DRG2: variants seen among roughly 807,000 people sequenced by gnomAD.
DRG2 encodes the protein developmentally-regulated GTP-binding protein 2.
A neutral mutation model predicts 53.4 loss-of-function variants in DRG2; 36 were observed. The observed-to-expected ratio is 0.67, with a 90% confidence interval of 0.52 to 0.89. The LOEUF is 0.89. Among genes scored for constraint, DRG2 ranks in the 40% least tolerant of loss-of-function variants. The pLI is 0.00. For synonymous variants in DRG2, 167 were observed against 192.1 expected, an observed-to-expected ratio of 0.87 and a Z score of 1.08; for missense variants, 342 against 481.2, an observed-to-expected ratio of 0.71 and a Z score of 2.71.
intron 1 of DRG2, among the ~76,000 whole-genome samples, chr17:18,089,525 C>A (rs2045276672): frequency 6.6e-6 from 1 of 152,146 alleles, no homozygotes; most frequent in African/African-American, 2.4e-5. Context: ...TGGATCTGAT[C>A]TTCTAGTTGA....
intron 11 of DRG2, chr17:18,106,084 A>G (rs1597732299): frequency 6.9e-6 from 2 of 291,902 alleles, no homozygotes; most frequent in East Asian, 6.9e-5. Flanking sequence ...GGGGACTCCA[A>G]GCTATCACCC....
intron 9 of DRG2, 31 bp downstream of exon 9, chr17:18,102,028 G>C: frequency 1.3e-6 from 2 of 1,595,374 alleles, no homozygotes; most frequent in Admixed American, 1.7e-5. Context: ...CCACTCTGCT[G>C]TCCTTGCTGT....
At chr17:18,094,214 G>C (rs1170457540) in intron 2 of DRG2, 1 of 491,970 alleles carries the variant, frequency 2.0e-6, no homozygotes, top group Non-Finnish European at 3.6e-6. Flanking sequence ...AATACTTCTC[G>C]AGTGTGTATC....
At chr17:18,088,972 GTAATGGGAGATGCAATTGGCCAGGC>G (rs2045265642) in intron 1 of DRG2, among the ~76,000 whole-genome samples, 1 of 152,174 alleles carries the variant, frequency 6.6e-6, no homozygotes, top group African/African-American at 2.4e-5. Context: ...TTATGGAAGA[GTAATGGGAGATGCAATTGGCCAGGC>G]TAGTGGCTAG....
chr17:18,100,467 G>A lies in DRG2; in HGVS notation c.540+32G>A, dbSNP rs1275184409. 6.2e-7 allele frequency: 1 copy of A among 1,613,866 alleles called. No individual in the cohort carries two copies. Among genetic ancestry groups the A allele is most frequent in the East Asian group, 2.2e-5 (1 of 44,888 alleles). ...CACCTCTCTGGCCTTCAGGCCAGGG[G>A]TGTGGCAGTTTTGAGACTGCATTGG... On this transcript the variant is annotated intron_variant, in intron 6 of 12. Coordinates refer to ENST00000225729, the MANE Select transcript of DRG2 (RefSeq NM_001388.5). This position sits in a 1 kb window ranked among gnomAD's most constrained non-coding sequence, Gnocchi z 4.1.
chr17:18,103,820 C>A lies in DRG2; in HGVS notation c.826C>A (p.Leu276Met). Residue 276 changes from leucine (L) to methionine (M), a missense_variant, in exon 10 of 13, where the codon CTG (leucine) becomes ATG (methionine). By Grantham distance (15) the Leu-to-Met change is conservative. Coordinates refer to ENST00000225729, the MANE Select transcript of DRG2 (RefSeq NM_001388.5). The surrounding 1 kb of genome is among the most constrained non-coding windows in gnomAD (Gnocchi z 4.4). ...TTGCAGCTGCGGCATGAAGCTGAAC[C>A]TGGACTATCTGCTGGAGATGCTTTG... ...VVISCGMKLN[L>M]DYLLEMLWEY... 6.2e-7 allele frequency: 1 copy of A among 1,614,174 alleles called. No individual in the cohort carries two copies. Among genetic ancestry groups the A allele is most frequent in the African/African-American group, 1.3e-5 (1 of 75,060 alleles).
Position 18,100,560 on chromosome 17 carries a change from C to T in DRG2, c.541-9C>T, listed in dbSNP as rs2045513795. On this transcript the variant is annotated splice_polypyrimidine_tract_variant and intron_variant, in intron 6 of 12. Coordinates refer to ENST00000225729, the MANE Select transcript of DRG2 (RefSeq NM_001388.5). The surrounding 1 kb of genome is among the most constrained non-coding windows in gnomAD (Gnocchi z 4.1). ...CAGCAGTTCTCCCCATCCCTTTCTC[C>T]TCTTTCAGCCCAAGAAAGGTGGTGG... is the stretch of plus-strand genomic sequence containing the variant. The T allele has an allele frequency of 1.9e-6, 3 of 1,614,104 alleles. No homozygotes were observed. Among genetic ancestry groups the T allele is most frequent in the East Asian group, 4.5e-5 (2 of 44,894 alleles).
At chr17:18,094,692 C>T (rs181997611) in intron 2 of DRG2, among the ~76,000 whole-genome samples, 8 of 152,052 alleles carry the variant, frequency 5.3e-5, no homozygotes, top group Admixed American at 2.0e-4. Flanking sequence ...AAGGTTTCTT[C>T]GGCCGGGCGC....
At position 18,099,364 on chromosome 17, in the gene DRG2, G is replaced by A; in HGVS notation, c.377-269G>A. On this transcript the variant is annotated intron_variant, in intron 4 of 12. Transcript: ENST00000225729. The surrounding 1 kb of genome is among the most constrained non-coding windows in gnomAD (Gnocchi z 4.4). ...GATTAAGTGAGGAAATGTTCAGGAA[G>A]CATTTAGCCTGGGCCCTGCCACATG... is the stretch of plus-strand genomic sequence containing the variant. 2 of 609,992 alleles carry A rather than the reference G, an allele frequency of 3.3e-6. No individual in the cohort carries two copies. Among genetic ancestry groups the A allele is most frequent in the East Asian group, 2.8e-5 (1 of 36,256 alleles). The allele number at this position is 609,992 out of a possible 1,614,324, so 37.8% of individuals were successfully genotyped here.
In DRG2 at chr17:18,107,283, G is replaced by A; in HGVS notation, c.*43G>A. 6.3e-7 allele frequency: 1 copy of A among 1,591,116 alleles called. No individual in the cohort carries two copies. Among genetic ancestry groups the A allele is most frequent in the East Asian group, 2.2e-5 (1 of 44,602 alleles). On this transcript the variant is annotated 3_prime_UTR_variant, in exon 13 of 13. Transcript: ENST00000225729. ...CCCGCCCACCTGCCTCGTCTCCCTG[G>A]GGAGGTGGTCCCACTGGGACACACA...
rs548067946 is a variant in DRG2 at position 18,100,249 on chromosome 17, G to C, written c.468-114G>C. The C allele has an allele frequency of 8.0e-4, 852 of 1,068,384 alleles. No individual in the cohort carries two copies. Among genetic ancestry groups the C allele is most frequent in the Non-Finnish European group, 1.0e-3 (700 of 691,978 alleles). The allele number at this position is 1,068,384 out of a possible 1,614,324, so 66.2% of individuals were successfully genotyped here. On this transcript the variant is annotated intron_variant, in intron 5 of 12. Coordinates refer to ENST00000225729, the MANE Select transcript of DRG2 (RefSeq NM_001388.5). This position sits in a 1 kb window ranked among gnomAD's most constrained non-coding sequence, Gnocchi z 4.1. ...AGTGTTCTCTGGGTTGCTGGGGAAG[G>C]GGGTGGAGGAGAGAGTCAGTCTCTG...
At position 18,100,604 on chromosome 17, in the gene DRG2, A is replaced by T. The variant is rs767208085; in HGVS notation, c.576A>T (p.Thr192=). ...GTGGTGGCATCTCCTTTAACTCGAC[A>T]GTCACGCTGACCCAGTGCTCGGAAA... ...KKGGGISFNS[T]VTLTQCSEKL... is the part of the protein sequence containing the mutation. The change falls in exon 7 of 13, where the codon ACA becomes ACT. Residue 192 remains threonine (T), a synonymous_variant. Coordinates refer to ENST00000225729, the MANE Select transcript of DRG2 (RefSeq NM_001388.5). This position sits in a 1 kb window ranked among gnomAD's most constrained non-coding sequence, Gnocchi z 4.1. The T allele has an allele frequency of 6.2e-7, 1 of 1,614,184 alleles. No homozygotes were observed. Among genetic ancestry groups the T allele is most frequent in the Non-Finnish European group, 8.5e-7 (1 of 1,180,018 alleles).
At chr17:18,101,869 C>T (rs559348146) in intron 8 of DRG2, 52 bp from the exon 9 acceptor site, 1 of 1,568,646 alleles carries the variant, frequency 6.4e-7, no homozygotes, top group Admixed American at 1.8e-5. Flanking sequence ...GGGCCCTTTC[C>T]TGGATGCCTT....
intron 2 of DRG2, among the ~76,000 whole-genome samples, chr17:18,094,843 G>T (rs375781287): frequency 6.6e-6 from 1 of 151,178 alleles, no homozygotes; most frequent in Non-Finnish European, 1.5e-5. Context: ...GGGTGGTGGC[G>T]CATGCCTGTA....
chr17:18,088,075 CAGA>C lies in DRG2; in HGVS notation c.57_59del (p.Lys19del). 1 of 1,548,558 alleles carries C rather than the reference CAGA, an allele frequency of 6.5e-7. No homozygotes were observed. The highest frequency in any genetic ancestry group is 8.7e-7 in the Non-Finnish European group (1 of 1,145,716). On this transcript the variant is annotated inframe_deletion, in exon 1 of 13. Coordinates refer to ENST00000225729, the MANE Select transcript of DRG2 (RefSeq NM_001388.5). ...GATCGAGAAGGAGATCGCTCGGACA[CAGA>C]AGAACAAGGGTGAGGGCCGGCCGGG... is the stretch of plus-strand genomic sequence containing the variant.
rs115803298 is a variant in DRG2, at chr17:18,094,144, T to G, written c.225+171T>G. The G allele has an allele frequency of 1.9e-3, 1,571 of 842,492 alleles. 17 individuals carry two copies. The African/African-American group carries it at 0.023, about 13-fold the overall frequency. 52.2% of individuals were successfully genotyped at this position (842,492 alleles called of 1,614,324 possible). A position where few individuals can be genotyped will look rare whatever the true frequency, so the allele number is the denominator to read the frequency against. On this transcript the variant is annotated intron_variant, in intron 2 of 12. Transcript: ENST00000225729. ...TTTATCATCCTAACATGGAGGACGC[T>G]CTTTCCTCTTGCCAGCAGATGGAGC... is the stretch of plus-strand genomic sequence containing the variant.
intron 11 of DRG2, among the ~76,000 whole-genome samples, chr17:18,104,889 G>C (rs1279713258): frequency 1.3e-5 from 2 of 152,220 alleles, no homozygotes; most frequent in Admixed American, 6.5e-5. Context: ...CTACTGTGAG[G>C]GGGGTGTGCT....
intron 1 of DRG2, among the ~76,000 whole-genome samples, chr17:18,092,365 G>C (rs538598982): frequency 2.0e-4 from 31 of 152,214 alleles, no homozygotes; most frequent in African/African-American, 7.0e-4. Context: ...TATTCAGGAG[G>C]CTGAGGCAGG....
At chr17:18,106,725 C>T (rs2142211402) in intron 12 of DRG2, among the ~76,000 whole-genome samples, 1 of 120,844 alleles carries the variant, frequency 8.3e-6, no homozygotes, top group South Asian at 2.7e-4. Flanking sequence ...GGGTCTGGCT[C>T]TGTCTCCCAC....
Sources: gnomAD v4.1 joint callset for allele counts (sites outside exome capture counted in the v4.1 genomes callset) on GRCh38, gnomAD v4.1.1 for gene constraint, Gnocchi (gnomAD v3.1) non-coding constraint, MANE v1.5 for transcripts, NCBI Gene and HGNC (gene_info 2026-07-23, HGNC 2026-07-21) for gene names.